The following PLXNA4 variants were observed in gnomAD, a reference collection of about 807,000 sequenced individuals.
PLXNA4 encodes plexin-A4.
A neutral mutation model predicts 191.8 loss-of-function variants in PLXNA4; 44 were observed. The observed-to-expected ratio is 0.23, with a 90% confidence interval of 0.18 to 0.29. The LOEUF (loss-of-function observed/expected upper bound fraction) is 0.29. Among genes scored for constraint, PLXNA4 ranks in the 10% least tolerant of loss-of-function variants. The pLI is 1.00. For missense variants in PLXNA4, 1,800 were observed against 2,488.8 expected (o/e 0.72, Z 5.89); for synonymous variants, 1,082 against 1,009.5 (o/e 1.07, Z -1.36).
chr7:132,367,040 G>A (rs1250139178), intron 3 of PLXNA4, among the ~76,000 whole-genome samples: 1 of 152,164 alleles, frequency 6.6e-6, no homozygotes, highest in African/African-American at 2.4e-5. Flanking sequence ...CAAAGTGCTT[G>A]GATTACAGGC....
At chr7:132,639,112 C>T (rs780125416) in intron 2 of PLXNA4, among the ~76,000 whole-genome samples, 7 of 152,154 alleles carry the variant, frequency 4.6e-5, no homozygotes, top group Non-Finnish European at 8.8e-5. Context: ...CTGAGAACAC[C>T]CATCACGGTG....
intron 2 of PLXNA4, among the ~76,000 whole-genome samples, chr7:132,503,971 C>A (rs1798356638): frequency 6.6e-6 from 1 of 152,224 alleles, no homozygotes; most frequent in Non-Finnish European, 1.5e-5. Flanking sequence ...TGTTCCCACC[C>A]TCCACTGACA....
chr7:132,542,473 G>A (rs1800126962), intron 1 of PLXNA4, among the ~76,000 whole-genome samples: 1 of 152,156 alleles, frequency 6.6e-6, no homozygotes. Context: ...TACTGTGACA[G>A]GTCTGAATGT....
At chr7:132,635,591 G>A (rs780423766) in intron 2 of PLXNA4, among the ~76,000 whole-genome samples, 1 of 152,116 alleles carries the variant, frequency 6.6e-6, no homozygotes, top group African/African-American at 2.4e-5. Flanking sequence ...GGACTGAAGA[G>A]GAAGAAATGC....
intron 30 of PLXNA4, among the ~76,000 whole-genome samples, chr7:132,134,232 G>A (rs562845183): frequency 1.3e-5 from 2 of 152,104 alleles, no homozygotes; most frequent in African/African-American, 4.8e-5. Flanking sequence ...CAGAGGCTCC[G>A]GGACAGTCTC....
chr7:132,394,647 G>A (rs999158744), intron 3 of PLXNA4, among the ~76,000 whole-genome samples: 2 of 152,224 alleles, frequency 1.3e-5, no homozygotes, highest in Non-Finnish European at 1.5e-5. Flanking sequence ...TCTTTTAGAA[G>A]TCACATCGCA....
intron 3 of PLXNA4, among the ~76,000 whole-genome samples, chr7:132,474,214 T>TCTCACA (rs1175360961): frequency 1.4e-5 from 2 of 140,194 alleles, no homozygotes; most frequent in African/African-American, 5.4e-5. Context: ...TCTCTCTGTC[T>TCTCACA]CACACACACA....
intron 1 of PLXNA4, among the ~76,000 whole-genome samples, chr7:132,565,423 C>T (rs1801677722): frequency 6.6e-6 from 1 of 152,310 alleles, no homozygotes; most frequent in Non-Finnish European, 1.5e-5. Context: ...AAACCACAGC[C>T]ACATTTCTGA....
chr7:132,228,220 T>C (rs1798397118), intron 6 of PLXNA4, 126 bp downstream of exon 6: 1 of 1,294,612 alleles, frequency 7.7e-7, no homozygotes, highest in Non-Finnish European at 1.1e-6. Flanking sequence ...CACCCTTCTC[T>C]TGAGCTGCTT....
At chr7:132,249,806 T>G (rs969956026) in intron 4 of PLXNA4, among the ~76,000 whole-genome samples, 1 of 152,212 alleles carries the variant, frequency 6.6e-6, no homozygotes, top group Non-Finnish European at 1.5e-5. Context: ...ACACAGGTCC[T>G]GTGTTGAAAA....
At chr7:132,281,384 A>G (rs1327028627) in intron 4 of PLXNA4, among the ~76,000 whole-genome samples, 3 of 152,198 alleles carry the variant, frequency 2.0e-5, no homozygotes, top group Admixed American at 6.5e-5. Flanking sequence ...TCTGATGTCA[A>G]TCAGCTCTTG....
At chr7:132,417,654 A>G (rs1794704333) in intron 3 of PLXNA4, among the ~76,000 whole-genome samples, 1 of 147,774 alleles carries the variant, frequency 6.8e-6, no homozygotes. Flanking sequence ...AGGGAGAGAG[A>G]GAAGGAGAGA....
chr7:132,252,247 A>G (rs531778790), intron 4 of PLXNA4, among the ~76,000 whole-genome samples: 1 of 151,046 alleles, frequency 6.6e-6, no homozygotes, highest in Non-Finnish European at 1.5e-5. Context: ...GGCATCTTCC[A>G]GTAATTCTTC....
At chr7:132,338,321 A>C (rs1802896635) in intron 3 of PLXNA4, among the ~76,000 whole-genome samples, 2 of 152,236 alleles carry the variant, frequency 1.3e-5, no homozygotes, top group South Asian at 4.1e-4. Flanking sequence ...ATGAAACTTT[A>C]GTGTGTCAGT....
chr7:132,164,453 T>C (rs957169997), intron 23 of PLXNA4, among the ~76,000 whole-genome samples, 165 bp from the exon 24 acceptor site: 2 of 152,162 alleles, frequency 1.3e-5, no homozygotes, highest in Non-Finnish European at 2.9e-5. Flanking sequence ...CATCTCCTCA[T>C]CCTTCAGGCT....
chr7:132,227,320 A>C, intron 7 of PLXNA4, 131 bp downstream of exon 7: 1 of 1,257,908 alleles, frequency 7.9e-7, no homozygotes, highest in Non-Finnish European at 1.1e-6. Context: ...TAACACACCC[A>C]CCATCCCATG....
intron 1 of PLXNA4, among the ~76,000 whole-genome samples, chr7:132,529,494 A>C (rs1035744923): frequency 6.6e-6 from 1 of 152,174 alleles, no homozygotes; most frequent in African/African-American, 2.4e-5. Context: ...CATTGGATTC[A>C]CTGGGAAAGT....
intron 4 of PLXNA4, among the ~76,000 whole-genome samples, chr7:132,297,541 C>T (rs1050120623): frequency 6.6e-5 from 10 of 152,122 alleles, no homozygotes; most frequent in African/African-American, 2.2e-4. Flanking sequence ...CTGTTCTTCT[C>T]GGGTGGGCTC....
intron 25 of PLXNA4, among the ~76,000 whole-genome samples, chr7:132,157,315 G>A (rs2116620610): frequency 6.6e-6 from 1 of 152,314 alleles, no homozygotes; most frequent in Non-Finnish European, 1.5e-5. Context: ...ATGGCGGGTG[G>A]CAGGAGCGAC....
Sources: gnomAD v4.1 joint callset for allele counts (sites outside exome capture counted in the v4.1 genomes callset) on GRCh38, gnomAD v4.1.1 for gene constraint, MANE v1.5 for transcripts, NCBI Gene and HGNC (gene_info 2026-07-23, HGNC 2026-07-21) for gene names.